TTC13: variants seen among roughly 807,000 people sequenced by gnomAD.
TTC13 encodes the protein tetratricopeptide repeat domain 13.
Under a neutral mutation model 120.0 loss-of-function variants are expected in TTC13, and 62 were observed. That is an observed-to-expected ratio of 0.52 (90% CI 0.42 to 0.64). The LOEUF is 0.64. Ranked by LOEUF, TTC13 falls within the 30% of genes least tolerant of loss-of-function variation. The pLI is 0.00. For synonymous variants in TTC13, 384 were observed against 393.5 expected, an observed-to-expected ratio of 0.98 and a Z score of 0.28; for missense variants, 824 against 1,050.2, an observed-to-expected ratio of 0.78 and a Z score of 2.98.
In TTC13 at chr1:230,931,487, C is replaced by T; in HGVS notation, c.1126-15G>A. 6.2e-7 allele frequency: 1 copy of T among 1,612,580 alleles called. No homozygotes were observed. Among genetic ancestry groups the T allele is most frequent in the Non-Finnish European group, 8.5e-7 (1 of 1,179,388 alleles). ...TGCAGACACCGCTGAGGACAAAATG[C>T]TGCATTAGTATCAACACAGTTTAGG... On this transcript the variant is annotated splice_polypyrimidine_tract_variant and intron_variant, in intron 10 of 22. Transcript: ENST00000366661.
chr1:230,950,428 CAA>C (rs139118120), intron 4 of TTC13, among the ~76,000 whole-genome samples: 3 of 147,162 alleles, frequency 2.0e-5, no homozygotes, highest in Admixed American at 6.8e-5. Flanking sequence ...TCTCAATTCG[CAA>C]AAAAAAAAGA....
intron 3 of TTC13, among the ~76,000 whole-genome samples, chr1:230,957,044 C>A (rs1676154391): frequency 6.6e-6 from 1 of 152,192 alleles, no homozygotes; most frequent in Admixed American, 6.5e-5. Context: ...GCATATCAGG[C>A]TCTGAACTCA....
chr1:230,968,942 T>C (rs992617738), intron 1 of TTC13, among the ~76,000 whole-genome samples: 20 of 152,328 alleles, frequency 1.3e-4, no homozygotes, highest in African/African-American at 4.6e-4. Context: ...CATTAACTTA[T>C]GGTGGATGAT....
chr1:230,908,494 T>C, intron 22 of TTC13: 1 of 560,328 alleles, frequency 1.8e-6, no homozygotes, highest in Admixed American at 2.9e-5. Context: ...CTGGCCTTCA[T>C]AGTCCATTTT....
At position 230,942,256 on chromosome 1, in the gene TTC13, C is replaced by T. The variant is rs921091990; in HGVS notation, c.672+1550G>A. 6.6e-6 allele frequency among the ~76,000 whole-genome samples: 1 copy of T among 152,058 alleles called. No homozygotes were observed. The highest frequency in any genetic ancestry group is 1.5e-5 in the Non-Finnish European group (1 of 68,024). Reference sequence around the variant, plus strand: ...TATAGGGGAAAAAACATCAGTCCCCCCTACCAGAAGCAGATGATTACCAAA... The same window carrying T: ...TATAGGGGAAAAAACATCAGTCCCCTCTACCAGAAGCAGATGATTACCAAA... On this transcript the variant is annotated intron_variant, in intron 6 of 22. Transcript: ENST00000366661. The surrounding 1 kb of genome is among the most constrained non-coding windows in gnomAD (Gnocchi z 4.0).
chr1:230,967,992 C>T (rs1677295509), intron 1 of TTC13, among the ~76,000 whole-genome samples: 1 of 152,206 alleles, frequency 6.6e-6, no homozygotes, highest in Non-Finnish European at 1.5e-5. Flanking sequence ...TTCACTGCTT[C>T]AGAGTTTAAT....
intron 1 of TTC13, among the ~76,000 whole-genome samples, chr1:230,964,828 C>T (rs906726167): frequency 7.2e-5 from 11 of 152,276 alleles, no homozygotes; most frequent in South Asian, 2.1e-4. Flanking sequence ...CAAATCTACA[C>T]GCCTACAGTG....
chr1:230,912,123 G>A (rs937697084), intron 19 of TTC13, among the ~76,000 whole-genome samples: 15 of 152,118 alleles, frequency 9.9e-5, no homozygotes, highest in African/African-American at 3.4e-4. Flanking sequence ...CCTGCTGCCT[G>A]TAACGACTCC....
intron 17 of TTC13, among the ~76,000 whole-genome samples, chr1:230,917,878 G>A (rs1357635450): frequency 6.6e-6 from 1 of 152,240 alleles, no homozygotes; most frequent in Non-Finnish European, 1.5e-5. Flanking sequence ...GAAGGCAGCT[G>A]AAGAGCCCTC....
chr1:230,924,411 C>G (rs1358949940), intron 14 of TTC13, among the ~76,000 whole-genome samples: 2 of 152,194 alleles, frequency 1.3e-5, no homozygotes, highest in African/African-American at 4.8e-5. Flanking sequence ...CGGCTCACTG[C>G]AAGCTCCGCC....
In TTC13 at chr1:230,906,975, A is replaced by G; in HGVS notation, c.2513T>C (p.Phe838Ser). The G allele has an allele frequency of 1.3e-6, 2 of 1,544,642 alleles. No homozygotes were observed. Among genetic ancestry groups the G allele is most frequent in the Non-Finnish European group, 1.7e-6 (2 of 1,153,858 alleles). The part of the protein sequence containing the change: ...YKTLPSVSET[F>S]PTLRSMIEVL... ...CTCAATCATCGATCTTAACGTTGGA[A>G]ACGTTTCTGATACTGATGGAAGAGT... The change falls in exon 23 of 23, where the codon TTT (phenylalanine) becomes TCT (serine). Residue 838 changes from phenylalanine to serine, a missense_variant. By Grantham distance (155) the Phe-to-Ser change is radical. This residue lies in a region of TTC13 where 226 missense variants were observed against 259.1 expected (regional missense o/e 0.87). Transcript: ENST00000366661.
chr1:230,951,946 G>A (rs1458081785), intron 4 of TTC13, among the ~76,000 whole-genome samples: 1 of 152,148 alleles, frequency 6.6e-6, no homozygotes, highest in Non-Finnish European at 1.5e-5. Flanking sequence ...TGGCTATCGA[G>A]AATTTGATGA....
At chr1:230,917,017 G>T (rs1672098499) in intron 17 of TTC13, among the ~76,000 whole-genome samples, 1 of 151,932 alleles carries the variant, frequency 6.6e-6, no homozygotes, top group African/African-American at 2.4e-5. Context: ...TGGACTGGAA[G>T]TTAAGAGAAG....
chr1:230,914,929 T>C lies in TTC13; in HGVS notation c.2093+1264A>G, dbSNP rs191059177. Among the ~76,000 whole-genome samples, 38 of 152,236 alleles carry C rather than the reference T, an allele frequency of 2.5e-4. 1 individual carries two copies. The highest frequency in any genetic ancestry group is 8.9e-4 in the African/African-American group (37 of 41,548). ...GAGTTATTCAAAGATCAACTGTACTTATATAGTAATTTCATTTCTGCTTAG... is the reference window on the plus strand; with the variant it reads ...GAGTTATTCAAAGATCAACTGTACTCATATAGTAATTTCATTTCTGCTTAG... On this transcript the variant is annotated intron_variant, in intron 18 of 22. Transcript: ENST00000366661.
Position 230,940,379 on chromosome 1 carries a change from G to T in TTC13, c.789+61C>A. The T allele has an allele frequency of 1.8e-6, 2 of 1,101,064 alleles. No individual in the cohort carries two copies. The highest frequency in any genetic ancestry group is 1.6e-5 in the African/African-American group (1 of 64,330). The allele number at this position is 1,101,064 out of a possible 1,614,324, so 68.2% of individuals were successfully genotyped here. ...AATCTATCAAAGAGTCACTTTCTGA[G>T]GTCAAGGGAAAAATGAAATCTTCAT... On this transcript the variant is annotated intron_variant, in intron 7 of 22. Coordinates refer to ENST00000366661, the MANE Select transcript of TTC13 (RefSeq NM_024525.5). This position sits in a 1 kb window ranked among gnomAD's most constrained non-coding sequence, Gnocchi z 4.1.
intron 8 of TTC13, among the ~76,000 whole-genome samples, chr1:230,936,827 CT>C (rs1395013729): frequency 6.6e-6 from 1 of 152,148 alleles, no homozygotes; most frequent in Non-Finnish European, 1.5e-5. Context: ...ACAGAAAAAC[CT>C]AGACAAAGTT....
At chr1:230,971,271 A>G (rs1677710866) in intron 1 of TTC13, among the ~76,000 whole-genome samples, 1 of 145,846 alleles carries the variant, frequency 6.9e-6, no homozygotes, top group East Asian at 2.1e-4. Context: ...GCATGGACCC[A>G]GGAGGCAGAG....
intron 16 of TTC13, 105 bp from the exon 17 acceptor site, chr1:230,920,699 A>T (rs1321437223): frequency 1.4e-5 from 9 of 630,624 alleles, no homozygotes; most frequent in Non-Finnish European, 5.1e-6. Flanking sequence ...AATTTTGAGT[A>T]GCTAAACATT....
intron 15 of TTC13, among the ~76,000 whole-genome samples, chr1:230,922,761 G>A (rs184231033): frequency 1.3e-4 from 20 of 152,284 alleles, no homozygotes; most frequent in Admixed American, 1.3e-3. Flanking sequence ...GGCATCCTGT[G>A]CATGTGATCA....
Sources: gnomAD v4.1 joint callset for allele counts (sites outside exome capture counted in the v4.1 genomes callset) on GRCh38, gnomAD v4.1.1 for gene constraint, gnomAD v4.1.1 regional missense constraint, Gnocchi (gnomAD v3.1) non-coding constraint, MANE v1.5 for transcripts, NCBI Gene and HGNC (gene_info 2026-07-23, HGNC 2026-07-21) for gene names.